TRPV2: variants seen among roughly 807,000 people sequenced by gnomAD.
TRPV2 encodes the protein transient receptor potential cation channel subfamily V member 2.
A neutral mutation model predicts 91.0 loss-of-function variants in TRPV2; 58 were observed. That is an observed-to-expected ratio of 0.64 (90% CI 0.52 to 0.79). TRPV2 has a LOEUF of 0.79. Ranked by LOEUF, TRPV2 falls within the 30% of genes least tolerant of loss-of-function variation. TRPV2 has a pLI of 0.00. For synonymous variants in TRPV2, 417 were observed against 414.8 expected, an observed-to-expected ratio of 1.01 and a Z score of -0.06; for missense variants, 807 against 969.6, an observed-to-expected ratio of 0.83 and a Z score of 2.23.
Position 16,434,922 on chromosome 17 carries a change from A to C in TRPV2, c.2147A>C (p.Gln716Pro). ...GAGGTGAACTGGGCTTCATGGGAGC[A>C]GACGCTGCCTACGCTGTGTGAGGAC... ...VEEVNWASWE[Q>P]TLPTLCEDPS... The change falls in exon 14 of 15, where the codon CAG becomes CCG. Residue 716 changes from glutamine (Q) to proline (P), a missense_variant. Coordinates refer to ENST00000338560, the MANE Select transcript of TRPV2 (RefSeq NM_016113.5). 1 of 1,612,274 alleles carries C rather than the reference A, an allele frequency of 6.2e-7. No homozygotes were observed. The highest frequency in any genetic ancestry group is 8.5e-7 in the Non-Finnish European group (1 of 1,179,324).
At chr17:16,420,593 C>T (rs1305183079) in intron 3 of TRPV2, among the ~76,000 whole-genome samples, 1 of 152,176 alleles carries the variant, frequency 6.6e-6, no homozygotes, top group Admixed American at 6.6e-5. Context: ...ATATACTTAA[C>T]CCATCTCAAA....
intron 13 of TRPV2, 74 bp from the exon 14 acceptor site, chr17:16,434,816 G>A: frequency 6.9e-7 from 1 of 1,454,980 alleles, no homozygotes; most frequent in Non-Finnish European, 9.6e-7. Context: ...AATTTGGGGG[G>A]CCACGCCCCT....
At chr17:16,432,414 C>G in intron 12 of TRPV2, 114 bp downstream of exon 12, 1 of 879,460 alleles carries the variant, frequency 1.1e-6, no homozygotes, top group South Asian at 1.8e-5. Context: ...GGTTGGGCAG[C>G]TCTACCTTGT....
At position 16,420,208 on chromosome 17, in the gene TRPV2, G is replaced by C; in HGVS notation, c.294G>C (p.Leu98=). 6.2e-7 allele frequency: 1 copy of C among 1,614,122 alleles called. No individual in the cohort carries two copies. Among genetic ancestry groups the C allele is most frequent in the East Asian group, 2.2e-5 (1 of 44,886 alleles). The change falls in exon 3 of 15, where the codon CTG becomes CTC. Residue 98 remains leucine, a synonymous_variant. Transcript: ENST00000338560. The part of the protein sequence containing the change: ...PEDLAGLPEY[L]SKTSKYLTDS... ...ATCTGGCTGGACTTCCAGAGTACCT[G>C]AGCAAGACCAGCAAGTACCTCACCG...
Position 16,435,062 on chromosome 17 carries a change from G to T in TRPV2, c.2194+93G>T. On this transcript the variant is annotated intron_variant, in intron 14 of 14. Coordinates refer to ENST00000338560, the MANE Select transcript of TRPV2 (RefSeq NM_016113.5). This position sits in a 1 kb window ranked among gnomAD's most constrained non-coding sequence, Gnocchi z 4.2. ...TGGAGAGTCTGGGGCAGGACCCAGA[G>T]ACCTCCTCATAGTCCCTTTGCAGAT... 9.7e-7 allele frequency: 1 copy of T among 1,031,922 alleles called. No homozygotes were observed. 63.9% of individuals were successfully genotyped at this position (1,031,922 alleles called of 1,614,324 possible).
chr17:16,434,771 T>A, intron 13 of TRPV2, 119 bp from the exon 14 acceptor site: 1 of 930,012 alleles, frequency 1.1e-6, no homozygotes, highest in Non-Finnish European at 1.7e-6. Context: ...CCTCAGGGCC[T>A]CTGTGTCCAC....
intron 10 of TRPV2, among the ~76,000 whole-genome samples, chr17:16,431,320 G>C (rs2093411812): frequency 9.0e-6 from 1 of 111,050 alleles, no homozygotes; most frequent in Non-Finnish European, 1.7e-5. Flanking sequence ...TTGAGACGAA[G>C]TCTCACTCTG....
At position 16,417,803 on chromosome 17, in the gene TRPV2, C is replaced by A; in HGVS notation, c.135C>A (p.Gly45=). 1.2e-5 allele frequency: 20 copies of A among 1,614,178 alleles called. No homozygotes were observed. The highest frequency in any genetic ancestry group is 1.6e-5 in the Non-Finnish European group (19 of 1,180,020). ...CTCCCATGGAGTCACAGTTCCAGGG[C>A]GAGGACCGGAAATTCGCCCCTCAGA... ...GLPPMESQFQ[G]EDRKFAPQIR... The change falls in exon 2 of 15, where the codon GGC becomes GGA. Residue 45 remains glycine (G), a synonymous_variant. Coordinates refer to ENST00000338560, the MANE Select transcript of TRPV2 (RefSeq NM_016113.5).
At chr17:16,423,896 G>C in intron 5 of TRPV2, 129 bp downstream of exon 5, 2 of 857,254 alleles carry the variant, frequency 2.3e-6, no homozygotes, top group Non-Finnish European at 3.4e-6. Context: ...GAACACTCCT[G>C]TTAGTAAGAA....
intron 12 of TRPV2, among the ~76,000 whole-genome samples, chr17:16,432,885 C>T (rs1255150236): frequency 3.3e-5 from 5 of 151,728 alleles, no homozygotes; most frequent in Non-Finnish European, 5.9e-5. Flanking sequence ...GGCTCACTGC[C>T]ACCTTTGTCT....
rs2093327252 is a variant in TRPV2, at chr17:16,415,728, C to A, written c.-213C>A. On this transcript the variant is annotated 5_prime_UTR_variant, in exon 1 of 15. The change creates a new upstream start codon in the 5' untranslated region. Transcript: ENST00000338560. The surrounding 1 kb of genome is among the most constrained non-coding windows in gnomAD (Gnocchi z 4.5). ...GGAGGGAGGTTCCGCCGCTCCTCTG[C>A]TGTCAGCGCCGGCAGCCCCTCCCGG... 6.6e-6 allele frequency: 1 copy of A among 152,228 alleles called. No individual in the cohort carries two copies. Among genetic ancestry groups the A allele is most frequent in the African/African-American group, 2.4e-5 (1 of 41,432 alleles). The allele number at this position is 152,228 out of a possible 1,614,324, so 9.4% of individuals were successfully genotyped here.
Position 16,431,805 on chromosome 17 carries a change from C to T in TRPV2, c.1609C>T (p.Arg537Cys). ...CCAGGTCATCCTGCGGGACCTGCTG[C>T]GCTTCCTTCTGATCTACTTAGTCTT... ...IQKVILRDLL[R>C]FLLIYLVFLF... is the part of the protein sequence containing the mutation. Residue 537 changes from arginine (R) to cysteine (C), a missense_variant, in exon 11 of 15, where the codon CGC becomes TGC. By Grantham distance (180) the Arg-to-Cys change is radical (BLOSUM62 -3). Transcript: ENST00000338560. 4 of 1,614,114 alleles carry T rather than the reference C, an allele frequency of 2.5e-6. No individual in the cohort carries two copies. The highest frequency in any genetic ancestry group is 1.7e-5 in the Admixed American group (1 of 60,024).
At chr17:16,432,338 A>C (rs1600989919) in intron 12 of TRPV2, 38 bp downstream of exon 12, 2 of 1,551,468 alleles carry the variant, frequency 1.3e-6, no homozygotes, top group Non-Finnish European at 1.8e-6. Flanking sequence ...ACCCCACCCC[A>C]CACTCAGGCG....
rs748386880 is a variant in TRPV2 at position 16,428,809 on chromosome 17, C to T, written c.1422-8C>T. On this transcript the variant is annotated splice_polypyrimidine_tract_variant and splice_region_variant and intron_variant, in intron 9 of 14. Transcript: ENST00000338560. ...CCGCAAGCCCACCTGGATTCTGCTC[C>T]CACACAGCCTGTTCCAGGCCCTGCT... 3.7e-6 allele frequency: 6 copies of T among 1,612,688 alleles called. No individual in the cohort carries two copies. The Admixed American group carries it at 5.0e-5, about 13-fold the overall frequency.
intron 3 of TRPV2, among the ~76,000 whole-genome samples, chr17:16,420,696 A>G (rs1194849990): frequency 6.6e-6 from 1 of 152,236 alleles, no homozygotes; most frequent in Non-Finnish European, 1.5e-5. Context: ...GTAAGGAAAC[A>G]TATAGAGCCA....
chr17:16,416,132 G>T (rs916285246), intron 1 of TRPV2: 2 of 152,344 alleles, frequency 1.3e-5, no homozygotes, highest in African/African-American at 4.8e-5. Context: ...TGGGCTAAAC[G>T]GTATGAAACG....
chr17:16,429,316 A>C (rs2093399272), intron 10 of TRPV2, among the ~76,000 whole-genome samples: 1 of 152,174 alleles, frequency 6.6e-6, no homozygotes, highest in African/African-American at 2.4e-5. Flanking sequence ...AACTGCATTC[A>C]TTTATGTATT....
chr17:16,431,676 G>C (rs999478768), intron 10 of TRPV2, 108 bp from the exon 11 acceptor site: 2 of 940,500 alleles, frequency 2.1e-6, no homozygotes, highest in East Asian at 2.4e-5. Flanking sequence ...GTATGTGTGC[G>C]TATGTGCAGT....
intron 5 of TRPV2, among the ~76,000 whole-genome samples, chr17:16,424,809 A>T (rs951626395): frequency 2.0e-5 from 3 of 151,428 alleles, no homozygotes; most frequent in Non-Finnish European, 4.4e-5. Flanking sequence ...GGATTTAAAA[A>T]TTTTTATAAT....
Sources: gnomAD v4.1 joint callset for allele counts (sites outside exome capture counted in the v4.1 genomes callset) on GRCh38, gnomAD v4.1.1 for gene constraint, Gnocchi (gnomAD v3.1) non-coding constraint, MANE v1.5 for transcripts, NCBI Gene and HGNC (gene_info 2026-07-23, HGNC 2026-07-21) for gene names.